Variants in CFAP57 observed in about 807,000 individuals in gnomAD.
CFAP57 encodes cilia- and flagella-associated protein 57.
In CFAP57, 116 loss-of-function variants were observed where a neutral mutation model predicts 146.8. That is an observed-to-expected ratio of 0.79 (90% CI 0.68 to 0.92). The LOEUF is 0.92. Among genes scored for constraint, CFAP57 ranks in the 40% least tolerant of loss-of-function variants. The probability of loss-of-function intolerance (pLI) is 0.00; values close to 1 mark genes in which losing one functional copy is unlikely to be tolerated. For missense variants in CFAP57, 1,377 were observed against 1,527.2 expected, an observed-to-expected ratio of 0.90 and a Z score of 1.64; for synonymous variants, 518 against 552.8, an observed-to-expected ratio of 0.94 and a Z score of 0.88.
chr1:43,179,590 T>C (rs942400318), intron 2 of CFAP57, among the ~76,000 whole-genome samples: 1 of 152,144 alleles, frequency 6.6e-6, no homozygotes, highest in African/African-American at 2.4e-5. Flanking sequence ...AAAAGCACAA[T>C]AGGAGGGAGT....
intron 9 of CFAP57, among the ~76,000 whole-genome samples, chr1:43,202,476 T>C (rs1031982704): frequency 1.3e-5 from 2 of 152,044 alleles, no homozygotes; most frequent in Admixed American, 6.6e-5. Context: ...AAAGGTCCTA[T>C]AGACATTAAA....
At chr1:43,251,240 C>T (rs1376599293) in intron 22 of CFAP57, among the ~76,000 whole-genome samples, 4 of 152,212 alleles carry the variant, frequency 2.6e-5, no homozygotes, top group Admixed American at 2.6e-4. Flanking sequence ...CAAGTATTAC[C>T]AAGGAAGAAG....
At chr1:43,220,321 T>C (rs192480456) in intron 13 of CFAP57, among the ~76,000 whole-genome samples, 9 of 152,306 alleles carry the variant, frequency 5.9e-5, no homozygotes, top group Non-Finnish European at 7.3e-5. Flanking sequence ...TACTGATTCC[T>C]GGATTGTCAG....
At chr1:43,172,550 G>C in intron 1 of CFAP57, 97 bp downstream of exon 1, 1 of 1,005,222 alleles carries the variant, frequency 9.9e-7, no homozygotes, top group Non-Finnish European at 1.4e-6. Context: ...GGGGTGGCGC[G>C]GAGGAGGACC....
chr1:43,184,022 T>C (rs1645532919), intron 4 of CFAP57, 145 bp downstream of exon 4: 1 of 975,282 alleles, frequency 1.0e-6, no homozygotes, highest in Non-Finnish European at 1.5e-6. Context: ...CTAGTTTTCG[T>C]CTATATTTAA....
Position 43,234,273 on chromosome 1 carries a change from T to C in CFAP57, c.3127-6T>C, listed in dbSNP as rs767747305. ...CAGCACCAGAAGGAAACGTCTCTGA[T>C]TGCAGGAGCGAGACTTGGAAGCGCT... On this transcript the variant is annotated splice_polypyrimidine_tract_variant and splice_region_variant and intron_variant, in intron 19 of 22. Transcript: ENST00000372492. The C allele has an allele frequency of 1.6e-5, 24 of 1,542,262 alleles. No homozygotes were observed. Among genetic ancestry groups the C allele is most frequent in the Non-Finnish European group, 2.1e-5 (24 of 1,142,654 alleles).
chr1:43,204,487 C>T (rs1231478455), intron 9 of CFAP57, among the ~76,000 whole-genome samples: 1 of 151,912 alleles, frequency 6.6e-6, no homozygotes, highest in Non-Finnish European at 1.5e-5. Flanking sequence ...AATATGTGTC[C>T]CCCCAGGGCA....
intron 11 of CFAP57, chr1:43,210,574 A>C: frequency 3.4e-6 from 1 of 290,210 alleles, no homozygotes; most frequent in Non-Finnish European, 5.4e-6. Flanking sequence ...GGCCAACCAC[A>C]AAAAGATAAG....
chr1:43,224,219 C>T lies in CFAP57; in HGVS notation c.2865+15C>T, dbSNP rs1249008461. ...TTCAAGACAAGGTGCAGCTCTCCTT[C>T]TGTCCTCCCTCAGCTACGGCCAGAT... is the stretch of plus-strand genomic sequence containing the variant. On this transcript the variant is annotated intron_variant, in intron 17 of 22. Coordinates refer to ENST00000372492, the MANE Select transcript of CFAP57 (RefSeq NM_001378189.1). 6.6e-7 allele frequency: 1 copy of T among 1,519,128 alleles called. No homozygotes were observed. The highest frequency in any genetic ancestry group is 2.5e-5 in the East Asian group (1 of 40,556). 94.1% of individuals were successfully genotyped at this position (1,519,128 alleles called of 1,614,324 possible).
intron 7 of CFAP57, 104 bp downstream of exon 7, chr1:43,197,796 T>A: frequency 6.7e-7 from 1 of 1,489,616 alleles, no homozygotes; most frequent in Non-Finnish European, 9.2e-7. Flanking sequence ...ATTTAGAAGC[T>A]TTCAGTTGGA....
chr1:43,197,970 TGG>T (rs1557757624), intron 7 of CFAP57, among the ~76,000 whole-genome samples: 1 of 152,198 alleles, frequency 6.6e-6, no homozygotes, highest in Non-Finnish European at 1.5e-5. Context: ...CATAAACTCC[TGG>T]GTCCCTCCAG....
chr1:43,237,649 A>AG (rs1344102286), intron 21 of CFAP57, among the ~76,000 whole-genome samples: 1 of 152,222 alleles, frequency 6.6e-6, no homozygotes, highest in Admixed American at 6.5e-5. Context: ...GGAACAAGTC[A>AG]GGGAAGAGAC....
At chr1:43,183,978 A>G (rs1279770287) in intron 4 of CFAP57, 101 bp downstream of exon 4, 1 of 1,451,902 alleles carries the variant, frequency 6.9e-7, no homozygotes, top group East Asian at 2.3e-5. Flanking sequence ...CCTCTACCGT[A>G]AAAGTCAACT....
intron 6 of CFAP57, among the ~76,000 whole-genome samples, chr1:43,196,177 G>A (rs1342904430): frequency 2.0e-5 from 3 of 152,206 alleles, no homozygotes; most frequent in African/African-American, 7.2e-5. Flanking sequence ...CAGTGAAACC[G>A]GTAAGCCCAC....
intron 22 of CFAP57, among the ~76,000 whole-genome samples, chr1:43,253,318 A>G (rs1233790312): frequency 1.3e-5 from 2 of 152,234 alleles, no homozygotes; most frequent in East Asian, 3.9e-4. Flanking sequence ...AGTTGTGGTC[A>G]GAGAACAGTG....
intron 17 of CFAP57, among the ~76,000 whole-genome samples, chr1:43,225,910 C>T (rs1425908361): frequency 1.3e-5 from 2 of 152,166 alleles, no homozygotes; most frequent in African/African-American, 2.4e-5. Context: ...TGGTGGCTCA[C>T]GCCTGTAATC....
intron 21 of CFAP57, among the ~76,000 whole-genome samples, chr1:43,240,293 A>G (rs549690445): frequency 2.6e-5 from 4 of 152,256 alleles, no homozygotes; most frequent in Admixed American, 2.6e-4. Context: ...TCACATCGCT[A>G]AGCTGCTTTT....
chr1:43,197,224 G>A (rs1308519091), intron 6 of CFAP57, among the ~76,000 whole-genome samples: 2 of 152,096 alleles, frequency 1.3e-5, no homozygotes, highest in East Asian at 1.9e-4. Flanking sequence ...GGGCATGGTG[G>A]CAGGCGCCTG....
chr1:43,173,346 C>T (rs538512110), intron 2 of CFAP57, among the ~76,000 whole-genome samples: 1 of 152,250 alleles, frequency 6.6e-6, no homozygotes, highest in South Asian at 2.1e-4. Context: ...GCATTACAGC[C>T]CTTATTTTTG....
Sources: gnomAD v4.1 joint callset for allele counts (sites outside exome capture counted in the v4.1 genomes callset) on GRCh38, gnomAD v4.1.1 for gene constraint, MANE v1.5 for transcripts, NCBI Gene and HGNC (gene_info 2026-07-23, HGNC 2026-07-21) for gene names.